The following OTX2 variants were observed in gnomAD, a reference collection of about 807,000 sequenced individuals.
OTX2 encodes homeobox protein OTX2.
A neutral mutation model predicts 29.0 loss-of-function variants in OTX2; 4 were observed. The ratio of observed to expected loss-of-function variants is 0.14; its 90% CI spans 0.07 to 0.32. OTX2 has a LOEUF of 0.32. OTX2 is among the 10% of genes least tolerant of loss of function. The pLI is 1.00. For synonymous variants in OTX2, 134 were observed against 141.0 expected (o/e 0.95, Z 0.35); for missense variants, 298 against 365.9 (o/e 0.81, Z 1.51).
At chr14:56,808,991 A>G (rs993980512) in intron 2 of OTX2, among the ~76,000 whole-genome samples, 26 of 152,226 alleles carry the variant, frequency 1.7e-4, no homozygotes, top group African/African-American at 6.3e-4. Flanking sequence ...GGACCTTCGG[A>G]TGGTTCTTAC....
Position 56,804,868 on chromosome 14 carries a change from G to C in OTX2, c.97+492C>G, listed in dbSNP as rs1288359026. Among the ~76,000 whole-genome samples the C allele has an allele frequency of 7.4e-6, 1 of 134,276 alleles. No homozygotes were observed. Among genetic ancestry groups the C allele is most frequent in the Non-Finnish European group, 1.7e-5 (1 of 60,314 alleles). The allele number at this position is 134,276 out of a possible 152,430, so 88.1% of individuals were successfully genotyped here. On this transcript the variant is annotated intron_variant, in intron 3 of 4. Transcript: ENST00000672264. This position sits in a 1 kb window ranked among gnomAD's most constrained non-coding sequence, Gnocchi z 4.1. ...TTGGAAAGGAAAGCACCCGCATTTG[G>C]AGGAAGTCACGCCTCTTGGGATTAA...
Position 56,804,375 on chromosome 14 carries a change from G to A in OTX2, c.98-12C>T, listed in dbSNP as rs748346664. 2 of 1,610,938 alleles carry A rather than the reference G, an allele frequency of 1.2e-6. No individual in the cohort carries two copies. Among genetic ancestry groups the A allele is most frequent in the African/African-American group, 1.3e-5 (1 of 74,890 alleles). The stretch of plus-strand genomic sequence containing the variant: ...AGAAGCCCAGGGCCCTTTAGGGTGG[G>A]GGAGCAGTTTCTCAGTCATAGGCGT... On this transcript the variant is annotated splice_polypyrimidine_tract_variant and intron_variant, in intron 3 of 4. Transcript: ENST00000672264. The surrounding 1 kb of genome is among the most constrained non-coding windows in gnomAD (Gnocchi z 4.1).
chr14:56,805,037 G>A (rs561477174), intron 3 of OTX2, among the ~76,000 whole-genome samples: 113 of 152,074 alleles, frequency 7.4e-4, no homozygotes, highest in Non-Finnish European at 8.1e-4. Flanking sequence ...TATGGGTAGG[G>A]GTCTTTTGCC....
chr14:56,808,468 C>G (rs1892164960), intron 2 of OTX2, among the ~76,000 whole-genome samples: 1 of 151,938 alleles, frequency 6.6e-6, no homozygotes, highest in Admixed American at 6.6e-5. Flanking sequence ...TTTCTGGCCT[C>G]GGGGAATCAA....
At chr14:56,808,590 C>T (rs1331580386) in intron 2 of OTX2, among the ~76,000 whole-genome samples, 1 of 152,182 alleles carries the variant, frequency 6.6e-6, no homozygotes, top group Non-Finnish European at 1.5e-5. Flanking sequence ...GTCTGGGTGT[C>T]TACCTTACTC....
At position 56,802,699 on chromosome 14, in the gene OTX2, T is replaced by A. The variant is rs983461013; in HGVS notation, c.274-344A>T. ...TAGACCCAGCTATATTTTGGAACAC[T>A]CTCACAGAGGAATAGAATGTATCTC... On this transcript the variant is annotated intron_variant, in intron 4 of 4. Transcript: ENST00000672264. The surrounding 1 kb of genome is among the most constrained non-coding windows in gnomAD (Gnocchi z 4.4). 1.3e-5 allele frequency among the ~76,000 whole-genome samples: 2 copies of A among 152,154 alleles called. No homozygotes were observed. Among genetic ancestry groups the A allele is most frequent in the East Asian group, 1.9e-4 (1 of 5,182 alleles).
Position 56,802,369 on chromosome 14 carries a change from G to T in OTX2, c.274-14C>A, listed in dbSNP as rs1241062892. On this transcript the variant is annotated splice_polypyrimidine_tract_variant and intron_variant, in intron 4 of 4. Transcript: ENST00000672264. The surrounding 1 kb of genome is among the most constrained non-coding windows in gnomAD (Gnocchi z 4.4). ...CTTAAACCATACCTTGGAAGGGAAA[G>T]AAAATTCTTTAACTCGGTTTTGATA... 6.2e-7 allele frequency: 1 copy of T among 1,613,938 alleles called. No homozygotes were observed. Among genetic ancestry groups the T allele is most frequent in the Non-Finnish European group, 8.5e-7 (1 of 1,179,998 alleles).
chr14:56,805,633 G>T, intron 2 of OTX2, 58 bp from the exon 3 acceptor site: 1 of 634,798 alleles, frequency 1.6e-6, no homozygotes, highest in Non-Finnish European at 2.9e-6. Context: ...GGAGGCAGCA[G>T]CTCTTCCACG....
At position 56,801,832 on chromosome 14, in the gene OTX2, T is replaced by G. The variant is rs779220317; in HGVS notation, c.797A>C (p.Asp266Ala). Residue 266 changes from aspartate to alanine, a missense_variant, in exon 5 of 5, where the codon GAT (aspartate) becomes GCT (alanine). Around this residue, in one of 3 missense-constraint regions of OTX2, gnomAD observed 219 missense variants for 223.5 expected, o/e 0.98. Transcript: ENST00000672264. This position sits in a 1 kb window ranked among gnomAD's most constrained non-coding sequence, Gnocchi z 4.2. ...CCAGGAGGCAGTTTGGTCCTTATAA[T>G]CCAAGCAATCAGTGGTTGAGTTAAA... ...LGFNSTTDCLDYKDQTASWKL... is the reference protein window; with the variant it reads ...LGFNSTTDCLAYKDQTASWKL... 1.2e-6 allele frequency: 2 copies of G among 1,614,048 alleles called. No individual in the cohort carries two copies. The highest frequency in any genetic ancestry group is 1.7e-6 in the Non-Finnish European group (2 of 1,180,042).
intron 2 of OTX2, 151 bp from the exon 3 acceptor site, chr14:56,805,726 C>G (rs1446955373): frequency 2.8e-6 from 1 of 361,042 alleles, no homozygotes; most frequent in African/African-American, 3.2e-5. Flanking sequence ...CCACCCCCAT[C>G]CCCACCCCCA....
rs751258203 is a variant in OTX2, at chr14:56,802,288, T to C, written c.341A>G (p.Asn114Ser). The change falls in exon 5 of 5, where the codon AAC becomes AGC. Residue 114 changes from asparagine to serine, a missense_variant. Asn to Ser is a conservative substitution (Grantham distance 46). Coordinates refer to ENST00000672264, the MANE Select transcript of OTX2 (RefSeq NM_021728.4). The surrounding 1 kb of genome is among the most constrained non-coding windows in gnomAD (Gnocchi z 4.4). ...CTTCTTTTTGGCAGGTCTCACTTTG[T>C]TTTGACCTCCATTCTGCTGTTGTTG... ...QQQQQQNGGQ[N>S]KVRPAKKKTS... 2 of 1,614,208 alleles carry C rather than the reference T, an allele frequency of 1.2e-6. No individual in the cohort carries two copies. The highest frequency in any genetic ancestry group is 2.2e-5 in the South Asian group (2 of 91,080).
chr14:56,803,298 G>A (rs1891958538), intron 4 of OTX2, among the ~76,000 whole-genome samples: 1 of 152,180 alleles, frequency 6.6e-6, no homozygotes. Flanking sequence ...GTAAAAGTGA[G>A]GCCACCAAGG....
rs1892228575 is a variant in OTX2 at position 56,810,208 on chromosome 14, A to G, written c.-169T>C. The G allele has an allele frequency of 6.6e-6, 1 of 152,216 alleles. No individual in the cohort carries two copies. Among genetic ancestry groups the G allele is most frequent in the Non-Finnish European group, 1.5e-5 (1 of 68,038 alleles). 9.4% of individuals were successfully genotyped at this position (152,216 alleles called of 1,614,324 possible). ...AAAAGTCAAATATCCTTTAAATTCC[A>G]AATAGCCAGCTATCCTAAAAGAAAT... On this transcript the variant is annotated 5_prime_UTR_variant, in exon 2 of 5. Coordinates refer to ENST00000672264, the MANE Select transcript of OTX2 (RefSeq NM_021728.4).
In OTX2 at chr14:56,801,582, G is replaced by A. The variant is rs928301679; in HGVS notation, c.*153C>T. 2 of 793,840 alleles carry A rather than the reference G, an allele frequency of 2.5e-6. No homozygotes were observed. Among genetic ancestry groups the A allele is most frequent in the Non-Finnish European group, 4.2e-6 (2 of 472,430 alleles). The allele number at this position is 793,840 out of a possible 1,614,324, so 49.2% of individuals were successfully genotyped here. On this transcript the variant is annotated 3_prime_UTR_variant, in exon 5 of 5. Coordinates refer to ENST00000672264, the MANE Select transcript of OTX2 (RefSeq NM_021728.4). This position sits in a 1 kb window ranked among gnomAD's most constrained non-coding sequence, Gnocchi z 4.2. The stretch of plus-strand genomic sequence containing the variant: ...TTGCTGGTTTGTAGGCCCCTCTAAG[G>A]CCCTTCGTTTTTCCTTCTATGCCTC...
In OTX2 at chr14:56,801,264, C is replaced by T. The variant is rs1566621652; in HGVS notation, c.*471G>A. The T allele has an allele frequency of 9.0e-6, 2 of 221,520 alleles. No homozygotes were observed. Among genetic ancestry groups the T allele is most frequent in the African/African-American group, 2.3e-5 (1 of 43,620 alleles). The allele number at this position is 221,520 out of a possible 1,614,324, so 13.7% of individuals were successfully genotyped here. A position where few individuals can be genotyped will look rare whatever the true frequency, so the allele number is the denominator to read the frequency against. On this transcript the variant is annotated 3_prime_UTR_variant, in exon 5 of 5. Transcript: ENST00000672264. This position sits in a 1 kb window ranked among gnomAD's most constrained non-coding sequence, Gnocchi z 4.2. ...ACAATCAGTCACACAATTCACACAGCCCTGAAAAGTTTTTTCAGTGCCAAC... is the reference window on the plus strand; with the variant it reads ...ACAATCAGTCACACAATTCACACAGTCCTGAAAAGTTTTTTCAGTGCCAAC...
Position 56,804,517 on chromosome 14 carries a change from CG to C in OTX2, c.98-155del. 6.6e-6 allele frequency among the ~76,000 whole-genome samples: 1 copy of C among 152,140 alleles called. No homozygotes were observed. Among genetic ancestry groups the C allele is most frequent in the Admixed American group, 6.5e-5 (1 of 15,274 alleles). ...CCACCGTCTCCCCAGCCTTGCTCCC[CG>C]GGGACCCAGGACACACGCTGCTTCT... is the stretch of plus-strand genomic sequence containing the variant. On this transcript the variant is annotated intron_variant, in intron 3 of 4. Transcript: ENST00000672264. The surrounding 1 kb of genome is among the most constrained non-coding windows in gnomAD (Gnocchi z 4.1).
At position 56,801,041 on chromosome 14, in the gene OTX2, T is replaced by A. The variant is rs1319311232; in HGVS notation, c.*694A>T. On this transcript the variant is annotated 3_prime_UTR_variant, in exon 5 of 5. Transcript: ENST00000672264. The surrounding 1 kb of genome is among the most constrained non-coding windows in gnomAD (Gnocchi z 4.2). The stretch of plus-strand genomic sequence containing the variant: ...TTGCTCTGAATTTTGCTTATAATTA[T>A]AACCTATTTAATCACAGAAGAACCC... The A allele has an allele frequency of 6.5e-6, 1 of 154,406 alleles. No individual in the cohort carries two copies. Among genetic ancestry groups the A allele is most frequent in the African/African-American group, 2.4e-5 (1 of 41,444 alleles). 9.6% of individuals were successfully genotyped at this position (154,406 alleles called of 1,614,324 possible). A position where few individuals can be genotyped will look rare whatever the true frequency, so the allele number is the denominator to read the frequency against.
At position 56,801,471 on chromosome 14, in the gene OTX2, ATGCTTT is replaced by A. The variant is rs976420913; in HGVS notation, c.*258_*263del. ...TGGTGTTTGGTTGCACATGGCTAGAATGCTTTTGATCACTTTGCAAATCAGGATAAC... is the reference window on the plus strand; with the variant it reads ...TGGTGTTTGGTTGCACATGGCTAGAATGATCACTTTGCAAATCAGGATAAC... On this transcript the variant is annotated 3_prime_UTR_variant, in exon 5 of 5. Transcript: ENST00000672264. The surrounding 1 kb of genome is among the most constrained non-coding windows in gnomAD (Gnocchi z 4.2). The A allele has an allele frequency of 1.9e-6, 1 of 528,180 alleles. No homozygotes were observed. Among genetic ancestry groups the A allele is most frequent in the African/African-American group, 1.9e-5 (1 of 52,452 alleles). The allele number at this position is 528,180 out of a possible 1,614,324, so 32.7% of individuals were successfully genotyped here. A position where few individuals can be genotyped will look rare whatever the true frequency, so the allele number is the denominator to read the frequency against.
At chr14:56,808,348 G>A (rs919484030) in intron 2 of OTX2, among the ~76,000 whole-genome samples, 2 of 152,176 alleles carry the variant, frequency 1.3e-5, no homozygotes, top group Admixed American at 1.3e-4. Flanking sequence ...ACTGGCGACT[G>A]GCCTGCGGCT....
Sources: gnomAD v4.1 joint callset for allele counts (sites outside exome capture counted in the v4.1 genomes callset) on GRCh38, gnomAD v4.1.1 for gene constraint, gnomAD v4.1.1 regional missense constraint, Gnocchi (gnomAD v3.1) non-coding constraint, MANE v1.5 for transcripts, NCBI Gene and HGNC (gene_info 2026-07-23, HGNC 2026-07-21) for gene names.